Variants in TCF12 observed in about 807,000 individuals in gnomAD.
The protein encoded by TCF12 is transcription factor 12, also known as DNA-binding protein HTF4.
A neutral mutation model predicts 86.0 loss-of-function variants in TCF12; 45 were observed. That is an observed-to-expected ratio of 0.52 (90% confidence interval 0.41 to 0.67). The LOEUF is 0.67. Ranked by LOEUF, TCF12 falls within the 30% of genes least tolerant of loss-of-function variation. The pLI is 0.00. For synonymous variants in TCF12, 330 were observed against 299.6 expected (o/e 1.10, Z -1.05); for missense variants, 881 against 859.9 (o/e 1.02, Z -0.31).
In TCF12 at chr15:57,273,030, C is replaced by T. The variant is rs566480525; in HGVS notation, c.1746C>T (p.Ser582=). The change falls in exon 19 of 21, where the codon AGC becomes AGT. Residue 582 remains serine (S), a splice_region_variant and synonymous_variant. Coordinates refer to ENST00000333725, the MANE Select transcript of TCF12 (RefSeq NM_207037.2). ...DIKVSSRGRT[S]STNEDEDLNP... The stretch of plus-strand genomic sequence containing the variant: ...ACCTTGTTGTTACTTTATTTTCTAG[C>T]AGTACTAATGAAGATGAGGATTTGA... The T allele has an allele frequency of 1.4e-5, 22 of 1,613,240 alleles. No individual in the cohort carries two copies. The highest frequency in any genetic ancestry group is 3.3e-5 in the Admixed American group (2 of 59,950).
chr15:57,047,346 C>G (rs562727034), intron 3 of TCF12, among the ~76,000 whole-genome samples: 122 of 152,304 alleles, frequency 8.0e-4, no homozygotes, highest in African/African-American at 2.7e-3. Flanking sequence ...GAAGTGTGTT[C>G]TATAAATAGT....
chr15:57,027,849 A>C (rs1353693285), intron 3 of TCF12, among the ~76,000 whole-genome samples: 1 of 152,136 alleles, frequency 6.6e-6, no homozygotes, highest in Non-Finnish European at 1.5e-5. Context: ...GTTCCCCTGC[A>C]CACGCTCTCT....
In TCF12 at chr15:56,921,104, A is replaced by G; in HGVS notation, c.148+6A>G. 4 of 1,600,960 alleles carry G rather than the reference A, an allele frequency of 2.5e-6. No individual in the cohort carries two copies. Among genetic ancestry groups the G allele is most frequent in the Non-Finnish European group, 3.4e-6 (4 of 1,173,144 alleles). ...CAGTCAATTCAGTGGATCAGGTAAG[A>G]TGATGTCTTAAACTAAAGACTCATA... On this transcript the variant is annotated splice_donor_region_variant and intron_variant, in intron 3 of 20. Transcript: ENST00000333725.
chr15:57,133,173 T>G (rs112865833), intron 5 of TCF12, among the ~76,000 whole-genome samples: 1 of 152,330 alleles, frequency 6.6e-6, no homozygotes, highest in East Asian at 1.9e-4. Context: ...CATGCCAACT[T>G]TGATGTGGCA....
chr15:57,107,359 A>G (rs796607528), intron 5 of TCF12, among the ~76,000 whole-genome samples: 1 of 152,218 alleles, frequency 6.6e-6, no homozygotes, highest in Non-Finnish European at 1.5e-5. Context: ...AATTTCAACT[A>G]TATGACATTC....
intron 13 of TCF12, among the ~76,000 whole-genome samples, chr15:57,246,239 A>T (rs1458489223): frequency 6.6e-6 from 1 of 152,200 alleles, no homozygotes; most frequent in Non-Finnish European, 1.5e-5. Context: ...GCAGAGCCAC[A>T]TAAGCAGCTT....
chr15:56,922,830 T>G (rs1206510770), intron 3 of TCF12, among the ~76,000 whole-genome samples: 16 of 151,984 alleles, frequency 1.1e-4, no homozygotes, highest in African/African-American at 3.6e-4. Flanking sequence ...CAAATCAAGA[T>G]GTACTGGTAG....
At chr15:56,940,455 T>G (rs1239537470) in intron 3 of TCF12, among the ~76,000 whole-genome samples, 2 of 151,678 alleles carry the variant, frequency 1.3e-5, no homozygotes, top group Admixed American at 6.6e-5. Context: ...CTTCTTCTTC[T>G]TTCTTCTTCC....
intron 4 of TCF12, among the ~76,000 whole-genome samples, chr15:57,077,722 A>C: frequency 6.7e-6 from 1 of 148,338 alleles, no homozygotes; most frequent in South Asian, 2.2e-4. Context: ...GTGAGCTACC[A>C]CACCTGGCGG....
At chr15:56,934,115 T>C (rs1288839058) in intron 3 of TCF12, among the ~76,000 whole-genome samples, 1 of 152,120 alleles carries the variant, frequency 6.6e-6, no homozygotes, top group East Asian at 1.9e-4. Flanking sequence ...ATTCTGTTAA[T>C]TGTATTCCAA....
At chr15:57,208,380 CTTTT>C (rs1184422578) in intron 8 of TCF12, among the ~76,000 whole-genome samples, 4 of 65,590 alleles carry the variant, frequency 6.1e-5, no homozygotes, top group Admixed American at 5.3e-4. Flanking sequence ...CAAAAATATC[CTTTT>C]TTTTTTTTTT....
rs1194575659 is a variant in TCF12 at position 56,959,694 on chromosome 15, C to G, written c.148+38596C>G. ...ATTGAAGTTTCTTGTTTTGACTCGG[C>G]TTTTTAATCTACTTACAGAGGAACA... On this transcript the variant is annotated intron_variant, in intron 3 of 20. Coordinates refer to ENST00000333725, the MANE Select transcript of TCF12 (RefSeq NM_207037.2). 1.3e-5 allele frequency among the ~76,000 whole-genome samples: 2 copies of G among 152,048 alleles called. 1 individual carries two copies. Among genetic ancestry groups the G allele is most frequent in the African/African-American group, 4.8e-5 (2 of 41,398 alleles).
chr15:56,980,253 T>G (rs1031080270), intron 3 of TCF12, among the ~76,000 whole-genome samples: 1 of 152,206 alleles, frequency 6.6e-6, no homozygotes, highest in African/African-American at 2.4e-5. Flanking sequence ...CGTCTCAGGC[T>G]TCCAGTTAGC....
intron 3 of TCF12, among the ~76,000 whole-genome samples, chr15:57,028,408 T>C (rs1392170229): frequency 6.6e-6 from 1 of 152,244 alleles, no homozygotes; most frequent in Non-Finnish European, 1.5e-5. Flanking sequence ...TTTTAAGTTT[T>C]GTTATTCATG....
At chr15:57,008,775 C>T (rs559420817) in intron 3 of TCF12, among the ~76,000 whole-genome samples, 2 of 152,274 alleles carry the variant, frequency 1.3e-5, no homozygotes, top group African/African-American at 4.8e-5. Flanking sequence ...TTATTGGTTG[C>T]TCTCTAGTGA....
At chr15:57,272,264 A>G (rs1203559046) in intron 18 of TCF12, among the ~76,000 whole-genome samples, 3 of 152,198 alleles carry the variant, frequency 2.0e-5, no homozygotes, top group Non-Finnish European at 2.9e-5. Context: ...ATCTCTAATT[A>G]TATCCTTAGG....
chr15:57,173,147 A>G (rs926855971), intron 6 of TCF12, among the ~76,000 whole-genome samples: 2 of 152,162 alleles, frequency 1.3e-5, no homozygotes, highest in African/African-American at 4.8e-5. Context: ...GTTAAGCAAC[A>G]TGTTTAAATG....
At chr15:57,020,789 GC>G (rs1347026740) in intron 3 of TCF12, among the ~76,000 whole-genome samples, 17 of 152,148 alleles carry the variant, frequency 1.1e-4, no homozygotes, top group African/African-American at 3.4e-4. Flanking sequence ...ACAATGCTAA[GC>G]TTTCTTTTAG....
intron 3 of TCF12, among the ~76,000 whole-genome samples, chr15:57,050,596 T>G (rs2067544220): frequency 6.6e-6 from 1 of 152,204 alleles, no homozygotes. Context: ...TTTTCACTGA[T>G]TTGGGGAAAT....
Sources: gnomAD v4.1 joint callset for allele counts (sites outside exome capture counted in the v4.1 genomes callset) on GRCh38, gnomAD v4.1.1 for gene constraint, MANE v1.5 for transcripts, NCBI Gene and HGNC (gene_info 2026-07-23, HGNC 2026-07-21) for gene names.